The following PTPRG variants were observed in gnomAD, a reference collection of about 807,000 sequenced individuals.
PTPRG encodes the protein protein tyrosine phosphatase receptor type G.
PTPRG carries 102 observed loss-of-function variants against 165.3 expected under a neutral mutation model. The observed-to-expected ratio is 0.62, with a 90% CI of 0.53 to 0.73. The LOEUF is 0.73. PTPRG is among the 30% of genes least tolerant of loss of function. The probability of loss-of-function intolerance (pLI) is 0.00; values close to 1 mark genes in which losing one functional copy is unlikely to be tolerated. For missense variants in PTPRG, 1,866 were observed against 1,861.4 expected (o/e 1.00, Z -0.05); for synonymous variants, 675 against 669.5 (o/e 1.01, Z -0.13).
chr3:62,074,909 C>T (rs573931057), intron 4 of PTPRG, among the ~76,000 whole-genome samples: 2 of 152,274 alleles, frequency 1.3e-5, no homozygotes, highest in South Asian at 4.1e-4. Flanking sequence ...TTGGACATCA[C>T]CACCGCTGAC....
chr3:61,688,682 C>T (rs1339427088), intron 1 of PTPRG, among the ~76,000 whole-genome samples: 4 of 152,180 alleles, frequency 2.6e-5, no homozygotes, highest in Admixed American at 6.5e-5. Flanking sequence ...AAGGACTTAA[C>T]GCTTATGTTT....
chr3:61,870,978 A>G (rs1559659913), intron 2 of PTPRG, among the ~76,000 whole-genome samples: 1 of 152,098 alleles, frequency 6.6e-6, no homozygotes, highest in Non-Finnish European at 1.5e-5. Context: ...GGGTTTCAGG[A>G]AAAACTGATG....
chr3:61,888,541 C>T (rs966269027), intron 2 of PTPRG, among the ~76,000 whole-genome samples: 9 of 152,092 alleles, frequency 5.9e-5, no homozygotes, highest in Admixed American at 2.0e-4. Flanking sequence ...CCGTGTTAGC[C>T]AGGATGGTCT....
At chr3:62,112,396 G>A (rs896226525) in intron 5 of PTPRG, among the ~76,000 whole-genome samples, 6 of 152,120 alleles carry the variant, frequency 3.9e-5, no homozygotes, top group Non-Finnish European at 8.8e-5. Flanking sequence ...GAGCCATCCC[G>A]CCCTGCCAGT....
intron 2 of PTPRG, chr3:61,770,088 G>A (rs2034162482): frequency 6.6e-6 from 1 of 152,154 alleles, no homozygotes; most frequent in South Asian, 2.1e-4. Context: ...GATTTTAAGT[G>A]TTCCTTACCA....
At chr3:61,642,973 C>G (rs547878679) in intron 1 of PTPRG, among the ~76,000 whole-genome samples, 1 of 152,304 alleles carries the variant, frequency 6.6e-6, no homozygotes, top group South Asian at 2.1e-4. Flanking sequence ...TACAGCTGAT[C>G]TGTTCAAGTA....
intron 5 of PTPRG, among the ~76,000 whole-genome samples, chr3:62,119,748 G>A (rs991976358): frequency 1.3e-5 from 2 of 151,194 alleles, no homozygotes; most frequent in African/African-American, 4.9e-5. Context: ...AGCCTCTCGA[G>A]TAGCTAGGAC....
At chr3:61,969,494 C>G (rs166117) in intron 2 of PTPRG, among the ~76,000 whole-genome samples, 39,249 of 152,006 alleles carry the variant, frequency 0.26, 5,532 homozygotes, top group East Asian at 0.48. Context: ...TACACATTAT[C>G]CTTTTCAGCA....
chr3:62,132,119 T>G (rs1196055137), intron 5 of PTPRG, among the ~76,000 whole-genome samples: 1 of 152,180 alleles, frequency 6.6e-6, no homozygotes, highest in African/African-American at 2.4e-5. Context: ...CCATAACTTT[T>G]AGAATATGTG....
At chr3:62,065,051 T>A (rs1360927707) in intron 4 of PTPRG, among the ~76,000 whole-genome samples, 1 of 151,712 alleles carries the variant, frequency 6.6e-6, no homozygotes, top group African/African-American at 2.4e-5. Flanking sequence ...AATTTTTAAA[T>A]GAGAGCAGAA....
chr3:61,638,591 GTTTTTTTTTTTTT>G (rs34396141), intron 1 of PTPRG, among the ~76,000 whole-genome samples: 7 of 58,716 alleles, frequency 1.2e-4, no homozygotes, highest in Admixed American at 3.1e-4. Context: ...TGCCTGGCTA[GTTTTTTTTTTTTT>G]TTTTTTTTTT....
At chr3:61,788,898 C>T (rs1395070878) in intron 2 of PTPRG, among the ~76,000 whole-genome samples, 1 of 152,190 alleles carries the variant, frequency 6.6e-6, no homozygotes, top group Non-Finnish European at 1.5e-5. Flanking sequence ...GAAGGCTCCT[C>T]TTGCCAAGAC....
chr3:62,148,498 G>A (rs1246019725), intron 6 of PTPRG, among the ~76,000 whole-genome samples: 4 of 152,156 alleles, frequency 2.6e-5, no homozygotes, highest in African/African-American at 4.8e-5. Context: ...GGGTGCCCAC[G>A]ACTATAATCC....
chr3:61,638,832 A>G (rs1454876063), intron 1 of PTPRG, among the ~76,000 whole-genome samples: 1 of 151,948 alleles, frequency 6.6e-6, no homozygotes, highest in African/African-American at 2.4e-5. Flanking sequence ...TCAGATGCAT[A>G]TTTGCAAATA....
intron 5 of PTPRG, among the ~76,000 whole-genome samples, chr3:62,117,035 A>G (rs1702891933): frequency 6.6e-6 from 1 of 152,204 alleles, no homozygotes; most frequent in African/African-American, 2.4e-5. Flanking sequence ...TACATTCACT[A>G]GAGAGCTCTT....
intron 2 of PTPRG, among the ~76,000 whole-genome samples, chr3:61,867,322 TG>T (rs1296711452): frequency 2.0e-5 from 3 of 152,068 alleles, no homozygotes; most frequent in Non-Finnish European, 4.4e-5. Flanking sequence ...AATGGTTAAA[TG>T]GGTAATTGAT....
At chr3:62,128,129 G>A (rs1703383133) in intron 5 of PTPRG, among the ~76,000 whole-genome samples, 3 of 152,186 alleles carry the variant, frequency 2.0e-5, no homozygotes, top group East Asian at 1.9e-4. Context: ...TCGAGTTTGT[G>A]TGCCATCTTT....
intron 1 of PTPRG, among the ~76,000 whole-genome samples, chr3:61,611,660 C>T (rs1472146163): frequency 1.3e-5 from 2 of 152,052 alleles, no homozygotes; most frequent in Non-Finnish European, 2.9e-5. Flanking sequence ...GTAAAGAGCC[C>T]AATAGACATT....
rs759966063 is a variant in PTPRG at position 62,273,734 on chromosome 3, G to T, written c.3355G>T (p.Ala1119Ser). The T allele has an allele frequency of 6.2e-7, 1 of 1,613,734 alleles. No individual in the cohort carries two copies. The highest frequency in any genetic ancestry group is 8.5e-7 in the Non-Finnish European group (1 of 1,179,728). ...TTTCATCCATGATGCCTTGTTGGAAGCCATTCTTGGAAAGGAGACTGAAGT... is the reference window on the plus strand; with the variant it reads ...TTTCATCCATGATGCCTTGTTGGAATCCATTCTTGGAAAGGAGACTGAAGT... ...YIFIHDALLE[A>S]ILGKETEVSS... Residue 1119 changes from alanine (A) to serine (S), a missense_variant, in exon 23 of 30, where the codon GCC (alanine) becomes TCC (serine). Ala to Ser is a moderately conservative substitution (Grantham distance 99, BLOSUM62 1). Transcript: ENST00000474889. This position sits in a 1 kb window ranked among gnomAD's most constrained non-coding sequence, Gnocchi z 4.1.
Sources: gnomAD v4.1 joint callset for allele counts (sites outside exome capture counted in the v4.1 genomes callset) on GRCh38, gnomAD v4.1.1 for gene constraint, Gnocchi (gnomAD v3.1) non-coding constraint, MANE v1.5 for transcripts, NCBI Gene and HGNC (gene_info 2026-07-23, HGNC 2026-07-21) for gene names.